Variants in CLDN18 observed in about 807,000 individuals in gnomAD.
CLDN18 encodes the protein claudin 18.
Under a neutral mutation model 25.0 loss-of-function variants are expected in CLDN18, and 20 were observed. The observed-to-expected ratio is 0.80, with a 90% CI of 0.56 to 1.16. The LOEUF (loss-of-function observed/expected upper bound fraction) is 1.16, where lower values mean the gene tolerates loss of function less well. Among genes scored for constraint, CLDN18 ranks in the 50% most tolerant of loss-of-function variants. The probability of loss-of-function intolerance (pLI) is 0.00; values close to 1 mark genes in which losing one functional copy is unlikely to be tolerated. For missense variants in CLDN18, 297 were observed against 345.4 expected, an observed-to-expected ratio of 0.86 and a Z score of 1.11; for synonymous variants, 125 against 135.6, an observed-to-expected ratio of 0.92 and a Z score of 0.54.
At chr3:137,999,301 C>A (rs1338307570) in intron 1 of CLDN18, among the ~76,000 whole-genome samples, 3 of 152,172 alleles carry the variant, frequency 2.0e-5, no homozygotes, top group Non-Finnish European at 4.4e-5. Context: ...TCCTGTTCCC[C>A]TAACTGGATG....
At chr3:138,013,239 G>C (rs1318139792) in intron 1 of CLDN18, among the ~76,000 whole-genome samples, 5 of 152,146 alleles carry the variant, frequency 3.3e-5, no homozygotes, top group Admixed American at 3.3e-4. Flanking sequence ...AAAAGGACCT[G>C]GTCCTCCTCC....
At chr3:138,015,668 C>G (rs567227257) in intron 1 of CLDN18, among the ~76,000 whole-genome samples, 11 of 152,080 alleles carry the variant, frequency 7.2e-5, no homozygotes, top group African/African-American at 2.2e-4. Flanking sequence ...CCCAGAAATT[C>G]AAAGCCACGG....
chr3:138,023,018 T>C (rs1942287619), intron 1 of CLDN18, among the ~76,000 whole-genome samples: 1 of 152,246 alleles, frequency 6.6e-6, no homozygotes, highest in African/African-American at 2.4e-5. Context: ...TGATAAACTG[T>C]AGTCTAGATG....
upstream of CLDN18, among the ~76,000 whole-genome samples, chr3:138,005,654 C>A (rs1207421286): frequency 6.6e-6 from 1 of 152,080 alleles, no homozygotes; most frequent in Non-Finnish European, 1.5e-5. Flanking sequence ...ATATAACTTA[C>A]CAAATTCACA....
At chr3:138,027,533 T>C (rs1009303618) in intron 3 of CLDN18, among the ~76,000 whole-genome samples, 1 of 152,226 alleles carries the variant, frequency 6.6e-6, no homozygotes, top group African/African-American at 2.4e-5. Context: ...TCCTGGGTCA[T>C]TGGAGAAGTT....
chr3:138,005,328 G>A (rs1349308049), upstream of CLDN18, among the ~76,000 whole-genome samples: 1 of 152,080 alleles, frequency 6.6e-6, no homozygotes, highest in East Asian at 1.9e-4. Context: ...TGCCATAGTG[G>A]TTTGCTGCAC....
chr3:138,017,657 G>A (rs1271305088), intron 1 of CLDN18, among the ~76,000 whole-genome samples: 2 of 152,194 alleles, frequency 1.3e-5, no homozygotes, highest in Non-Finnish European at 2.9e-5. Flanking sequence ...CCATTTTCTG[G>A]TAGAGGAAAC....
At position 138,010,274 on chromosome 3, in the gene CLDN18, G is replaced by A; in HGVS notation, c.49G>A (p.Gly17Arg). 1 of 1,614,040 alleles carries A rather than the reference G, an allele frequency of 6.2e-7. No homozygotes were observed. Among genetic ancestry groups the A allele is most frequent in the Non-Finnish European group, 8.5e-7 (1 of 1,179,984 alleles). Residue 17 changes from glycine (G) to arginine (R), a missense_variant, in exon 1 of 5, where the codon GGG becomes AGG. Coordinates refer to ENST00000183605, the MANE Select transcript of CLDN18 (RefSeq NM_016369.4). Reference protein sequence around the residue: ...QVVAFLLSILGLAGCIAATGM... With the variant: ...QVVAFLLSILRLAGCIAATGM... ...GGTGGCGTTCCTCCTGTCCATCCTG[G>A]GGCTGGCCGGCTGCATCGCGGCCAC...
upstream of CLDN18, among the ~76,000 whole-genome samples, chr3:138,009,552 C>T (rs1942105478): frequency 6.6e-6 from 1 of 152,104 alleles, no homozygotes; most frequent in Admixed American, 6.5e-5. Flanking sequence ...AGAGAAAGAG[C>T]GCTGGACTGG....
At position 138,024,593 on chromosome 3, in the gene CLDN18, T is replaced by A. The variant is rs372504724; in HGVS notation, c.386-14T>A. ...TGAAACTAACTCTGGAGTTTTCTTT[T>A]TCTTTGCCCACAGGTCTTTGTGCAA... On this transcript the variant is annotated splice_polypyrimidine_tract_variant and intron_variant, in intron 2 of 4. Transcript: ENST00000183605. 2.6e-6 allele frequency: 4 copies of A among 1,555,230 alleles called. No individual in the cohort carries two copies. The East Asian group carries it at 9.0e-5, about 35-fold the overall frequency.
intron 3 of CLDN18, among the ~76,000 whole-genome samples, chr3:138,026,913 C>T (rs1040389712): frequency 5.3e-5 from 8 of 152,166 alleles, no homozygotes; most frequent in African/African-American, 1.7e-4. Context: ...GCTTTCATAC[C>T]TCGGTGCCAG....
At chr3:138,015,323 T>C (rs913106641) in intron 1 of CLDN18, among the ~76,000 whole-genome samples, 1 of 152,128 alleles carries the variant, frequency 6.6e-6, no homozygotes, top group Admixed American at 6.5e-5. Context: ...CAGGACCTAA[T>C]GCCTAACTTC....
chr3:138,014,011 A>AT (rs1227845813), intron 1 of CLDN18, among the ~76,000 whole-genome samples: 5 of 151,814 alleles, frequency 3.3e-5, no homozygotes, highest in Non-Finnish European at 7.4e-5. Context: ...CGGAAAGCAC[A>AT]TTTTTTTCAA....
At position 138,023,830 on chromosome 3, in the gene CLDN18, C is replaced by T; in HGVS notation, c.385+8C>T. On this transcript the variant is annotated splice_region_variant and intron_variant, in intron 2 of 4. Coordinates refer to ENST00000183605, the MANE Select transcript of CLDN18 (RefSeq NM_016369.4). ...TCATGTTCATTGTCTCAGGTAAACA[C>T]AGAGCCTGGAGTTCCCACTTCTGCG... 1 of 1,605,696 alleles carries T rather than the reference C, an allele frequency of 6.2e-7. No homozygotes were observed. Among genetic ancestry groups the T allele is most frequent in the Non-Finnish European group, 8.5e-7 (1 of 1,173,620 alleles).
At position 137,999,381 on chromosome 3, in the gene CLDN18, A is replaced by G. The variant is rs192008316; in HGVS notation, c.220+293A>G. ...TGTGAGCAATGGCATAGTCTCAATC[A>G]CCCATAGGAACAGGACTCAGGAGGC... On this transcript the variant is annotated intron_variant, in intron 1 of 4. Transcript: ENST00000343735. Among the ~76,000 whole-genome samples the G allele has an allele frequency of 2.0e-5, 3 of 152,180 alleles. No individual in the cohort carries two copies. The East Asian group carries it at 5.8e-4, about 29-fold the overall frequency.
intron 1 of CLDN18, among the ~76,000 whole-genome samples, chr3:138,020,277 G>A (rs75965980): frequency 0.014 from 2,124 of 152,246 alleles, 36 homozygotes; most frequent in African/African-American, 0.047. Context: ...ACTGTTGATC[G>A]TTGTTTGTAG....
chr3:138,023,047 T>C (rs1188375457), intron 1 of CLDN18, among the ~76,000 whole-genome samples: 1 of 152,252 alleles, frequency 6.6e-6, no homozygotes, highest in African/African-American at 2.4e-5. Context: ...AATATTGTTA[T>C]ATTGTTTTAT....
intron 1 of CLDN18, chr3:137,999,194 T>C: frequency 1.0e-6 from 1 of 1,001,692 alleles, no homozygotes; most frequent in Non-Finnish European, 1.5e-6. Context: ...AGGGAGGAAC[T>C]GCGATTCGTG....
At chr3:138,010,531 TG>T in intron 1 of CLDN18, 86 bp downstream of exon 1, 1 of 1,532,374 alleles carries the variant, frequency 6.5e-7, no homozygotes, top group Non-Finnish European at 8.9e-7. Context: ...CTCCCACCTC[TG>T]GGTGAGGACC....
Sources: gnomAD v4.1 joint callset for allele counts (sites outside exome capture counted in the v4.1 genomes callset) on GRCh38, gnomAD v4.1.1 for gene constraint, MANE v1.5 for transcripts, NCBI Gene and HGNC (gene_info 2026-07-23, HGNC 2026-07-21) for gene names.